USP4: variants seen among roughly 807,000 people sequenced by gnomAD.
USP4 encodes the protein ubiquitin specific peptidase 4.
USP4 carries 72 observed loss-of-function variants against 118.2 expected under a neutral mutation model. The observed-to-expected ratio is 0.61, with a 90% CI of 0.50 to 0.74. USP4 has a LOEUF of 0.74. USP4 is among the 30% of genes least tolerant of loss of function. The probability of loss-of-function intolerance (pLI) is 0.00; values close to 1 mark genes in which losing one functional copy is unlikely to be tolerated. For missense variants in USP4, 1,037 were observed against 1,185.7 expected (o/e 0.87, Z 1.84); for synonymous variants, 415 against 440.4 (o/e 0.94, Z 0.72).
At chr3:49,314,681 T>A (rs909531541) in intron 6 of USP4, among the ~76,000 whole-genome samples, 2 of 152,196 alleles carry the variant, frequency 1.3e-5, no homozygotes, top group African/African-American at 4.8e-5. Flanking sequence ...ATGGCACTCC[T>A]CTTCTCAGTA....
At chr3:49,313,898 A>T (rs550731645) in intron 6 of USP4, 6 of 151,944 alleles carry the variant, frequency 3.9e-5, no homozygotes, top group Non-Finnish European at 8.8e-5. Context: ...CCATAGCAAC[A>T]GTCTCCTTAT....
At chr3:49,305,009 G>A (rs1359310512) in intron 9 of USP4, among the ~76,000 whole-genome samples, 1 of 151,226 alleles carries the variant, frequency 6.6e-6, no homozygotes, top group Non-Finnish European at 1.5e-5. Flanking sequence ...TGATCTGCCC[G>A]CCTCAGCCTC....
chr3:49,304,833 G>A (rs1329612429), intron 9 of USP4, among the ~76,000 whole-genome samples: 5 of 151,340 alleles, frequency 3.3e-5, no homozygotes, highest in South Asian at 2.1e-4. Context: ...GCGTGATCTC[G>A]GCTCACTGCA....
At chr3:49,300,935 CAT>C (rs1375236280) in intron 10 of USP4, among the ~76,000 whole-genome samples, 1 of 152,032 alleles carries the variant, frequency 6.6e-6, no homozygotes, top group African/African-American at 2.4e-5. Context: ...TATATATATA[CAT>C]ATTTCAAATA....
At position 49,300,560 on chromosome 3, in the gene USP4, T is replaced by C; in HGVS notation, c.1419A>G (p.Pro473=). The change falls in exon 11 of 22, where the codon CCA becomes CCG. Residue 473 remains proline (P), a synonymous_variant. Coordinates refer to ENST00000265560, the MANE Select transcript of USP4 (RefSeq NM_003363.4). Reference sequence around the variant, plus strand: ...GCAGTGGCAGCGTTAGATAGCAAAATGGGTCAAAGGTCACAGAAACCTTAG... The same window carrying C: ...GCAGTGGCAGCGTTAGATAGCAAAACGGGTCAAAGGTCACAGAAACCTTAG... ...ECAKVSVTFD[P]FCYLTLPLPL... is the part of the protein sequence containing the mutation. 6.2e-7 allele frequency: 1 copy of C among 1,614,180 alleles called. No homozygotes were observed. Among genetic ancestry groups the C allele is most frequent in the South Asian group, 1.1e-5 (1 of 91,086 alleles).
At chr3:49,318,601 A>C (rs2047466156) in intron 6 of USP4, 1 of 985,310 alleles carries the variant, frequency 1.0e-6, no homozygotes, top group Non-Finnish European at 1.2e-6. Context: ...CATTAGTGAA[A>C]AAAAGACAAT....
intron 11 of USP4, among the ~76,000 whole-genome samples, chr3:49,298,975 T>C (rs2047236202): frequency 6.6e-6 from 1 of 152,224 alleles, no homozygotes; most frequent in Non-Finnish European, 1.5e-5. Context: ...TTTTTATTTT[T>C]TGTAGAGACA....
intron 15 of USP4, among the ~76,000 whole-genome samples, chr3:49,291,019 A>T (rs1007886363): frequency 6.6e-6 from 1 of 151,930 alleles, no homozygotes; most frequent in African/African-American, 2.4e-5. Context: ...CCCAGGCTGG[A>T]GTGCAGTGGC....
At chr3:49,311,681 T>A (rs1559473800) in intron 6 of USP4, 27 bp from the exon 7 acceptor site, 3 of 1,611,902 alleles carry the variant, frequency 1.9e-6, no homozygotes, top group South Asian at 2.2e-5. Context: ...GAAACAATGC[T>A]ACTGACTTTT....
At chr3:49,320,396 C>T (rs1321310116) in intron 6 of USP4, among the ~76,000 whole-genome samples, 3 of 152,166 alleles carry the variant, frequency 2.0e-5, no homozygotes, top group Middle Eastern at 3.4e-3. Context: ...GAGCCAAGAT[C>T]GCGCCATTAC....
chr3:49,295,335 C>CTAAA (rs1346029029), intron 13 of USP4, among the ~76,000 whole-genome samples: 1 of 145,554 alleles, frequency 6.9e-6, no homozygotes, highest in Non-Finnish European at 1.5e-5. Context: ...GTGCCCTGCC[C>CTAAA]TTTAATAAGA....
At chr3:49,309,779 A>T (rs2047362600) in intron 8 of USP4, among the ~76,000 whole-genome samples, 1 of 150,850 alleles carries the variant, frequency 6.6e-6, no homozygotes, top group South Asian at 2.1e-4. Context: ...GGCGTGTGCC[A>T]CCACACCCGG....
chr3:49,294,465 C>T lies in USP4; in HGVS notation c.1825G>A (p.Val609Ile). 6.2e-7 allele frequency: 1 copy of T among 1,614,132 alleles called. No homozygotes were observed. Among genetic ancestry groups the T allele is most frequent in the South Asian group, 1.1e-5 (1 of 91,078 alleles). Residue 609 changes from valine (V) to isoleucine (I), a missense_variant, in exon 14 of 22, where the codon GTC (valine) becomes ATC (isoleucine). Physicochemically the swap from Val to Ile is conservative, Grantham distance 29. Transcript: ENST00000265560. Reference sequence around the variant, plus strand: ...TCAAGGGTTAACTTGTGCTTGGGGACAGAAAGCAATAGTGGCTGCCCATAT... The same window carrying T: ...TCAAGGGTTAACTTGTGCTTGGGGATAGAAAGCAATAGTGGCTGCCCATAT... The part of the protein sequence containing the change: ...ALYGQPLLLS[V>I]PKHKLTLESL...
intron 2 of USP4, among the ~76,000 whole-genome samples, chr3:49,331,064 G>A (rs1437323357): frequency 6.6e-6 from 1 of 151,512 alleles, no homozygotes; most frequent in Non-Finnish European, 1.5e-5. Flanking sequence ...GCTCACACCT[G>A]TACTCCCAGC....
At chr3:49,338,870 G>A (rs1306537378) in intron 1 of USP4, among the ~76,000 whole-genome samples, 6 of 151,974 alleles carry the variant, frequency 3.9e-5, no homozygotes, top group Non-Finnish European at 8.8e-5. Flanking sequence ...CACTCGGGCC[G>A]AGCACGGTGG....
At position 49,310,680 on chromosome 3, in the gene USP4, T is replaced by C. The variant is rs771132910; in HGVS notation, c.894A>G (p.Gln298=). ...NCQEPPSSHI[Q]PGLCGLGNLG... The stretch of plus-strand genomic sequence containing the variant: ...GGTTTCCAAGTCCACAGAGCCCAGG[T>C]TGTATATGAGAGGATGGTGGCTCCT... Residue 298 remains glutamine (Q), a synonymous_variant, in exon 8 of 22, where the codon CAA becomes CAG. Coordinates refer to ENST00000265560, the MANE Select transcript of USP4 (RefSeq NM_003363.4). 9.3e-6 allele frequency: 15 copies of C among 1,614,162 alleles called. No individual in the cohort carries two copies. The highest frequency in any genetic ancestry group is 1.3e-5 in the Non-Finnish European group (15 of 1,180,016).
chr3:49,320,971 C>G (rs948299321), intron 6 of USP4, among the ~76,000 whole-genome samples: 1 of 152,076 alleles, frequency 6.6e-6, no homozygotes, highest in Non-Finnish European at 1.5e-5. Flanking sequence ...TCCTGAAAGC[C>G]AGGTATTGTC....
rs1428560879 is a variant in USP4 at position 49,277,228 on chromosome 3, C to T, written c.*1065G>A. ...CGACCCATCCAACGGTCATCGCATGCGCGTGCCCCGCGCAGGCCCCAAACC... is the reference window on the plus strand; with the variant it reads ...CGACCCATCCAACGGTCATCGCATGTGCGTGCCCCGCGCAGGCCCCAAACC... On this transcript the variant is annotated 3_prime_UTR_variant, in exon 22 of 22. Coordinates refer to ENST00000265560, the MANE Select transcript of USP4 (RefSeq NM_003363.4). The T allele has an allele frequency of 1.5e-6, 2 of 1,316,762 alleles. No individual in the cohort carries two copies. The highest frequency in any genetic ancestry group is 4.9e-5 in the East Asian group (1 of 20,274). 81.6% of individuals were successfully genotyped at this position (1,316,762 alleles called of 1,614,324 possible). A position where few individuals can be genotyped will look rare whatever the true frequency, so the allele number is the denominator to read the frequency against.
intron 10 of USP4, 82 bp from the exon 11 acceptor site, chr3:49,300,773 G>GATTCATCTCCAGGTTT: frequency 7.6e-7 from 1 of 1,320,288 alleles, no homozygotes; most frequent in Non-Finnish European, 1.1e-6. Context: ...CAGCAAACCT[G>GATTCATCTCCAGGTTT]GAGATGAATC....
Sources: gnomAD v4.1 joint callset for allele counts (sites outside exome capture counted in the v4.1 genomes callset) on GRCh38, gnomAD v4.1.1 for gene constraint, MANE v1.5 for transcripts, NCBI Gene and HGNC (gene_info 2026-07-23, HGNC 2026-07-21) for gene names.